Variants in ATP10B observed in about 807,000 individuals in gnomAD.
The protein encoded by ATP10B is phospholipid-transporting ATPase VB.
A neutral mutation model predicts 141.2 loss-of-function variants in ATP10B; 122 were observed. That is an observed-to-expected ratio of 0.86 (90% CI 0.75 to 1.00). The LOEUF (loss-of-function observed/expected upper bound fraction) is 1.00, where lower values mean the gene tolerates loss of function less well. Among genes scored for constraint, ATP10B ranks in the 50% least tolerant of loss-of-function variants. The pLI is 0.00. For synonymous variants in ATP10B, 685 were observed against 692.0 expected, an observed-to-expected ratio of 0.99 and a Z score of 0.16; for missense variants, 1,876 against 1,825.3, an observed-to-expected ratio of 1.03 and a Z score of -0.51.
intron 2 of ATP10B, among the ~76,000 whole-genome samples, chr5:160,736,953 G>A (rs1767164513): frequency 1.3e-5 from 2 of 152,090 alleles, no homozygotes; most frequent in Admixed American, 6.6e-5. Context: ...AAGACATATC[G>A]AAAGAAGAAA....
the ATP10B span, among the ~76,000 whole-genome samples, chr5:160,903,262 A>G: frequency 6.6e-6 from 1 of 152,166 alleles, no homozygotes; most frequent in East Asian, 1.9e-4. Flanking sequence ...CTAAGTTGCC[A>G]AGATGGGCTT....
At chr5:160,577,278 T>C (rs1371296895) in intron 24 of ATP10B, among the ~76,000 whole-genome samples, 3 of 152,238 alleles carry the variant, frequency 2.0e-5, no homozygotes, top group African/African-American at 7.2e-5. Flanking sequence ...GGCTTTGTCC[T>C]TAAACTCATT....
At chr5:160,648,246 G>A (rs190920014) in intron 8 of ATP10B, among the ~76,000 whole-genome samples, 2 of 152,270 alleles carry the variant, frequency 1.3e-5, no homozygotes, top group African/African-American at 4.8e-5. Flanking sequence ...CCAACCCATG[G>A]CCCACATGTG....
chr5:160,793,297 GTGTC>G (rs1011824827), intron 1 of ATP10B, among the ~76,000 whole-genome samples: 4 of 151,300 alleles, frequency 2.6e-5, no homozygotes, highest in East Asian at 1.9e-4. Context: ...AAAATGCCTT[GTGTC>G]TGTATGTATT....
chr5:160,613,355 G>T (rs1431975407), intron 17 of ATP10B, among the ~76,000 whole-genome samples: 3 of 152,198 alleles, frequency 2.0e-5, no homozygotes, highest in Non-Finnish European at 4.4e-5. Context: ...GCAGAGCAAG[G>T]TGAGAGATGA....
At chr5:160,839,962 T>C (rs1775712710) in intron 1 of ATP10B, among the ~76,000 whole-genome samples, 1 of 151,938 alleles carries the variant, frequency 6.6e-6, no homozygotes, top group African/African-American at 2.4e-5. Flanking sequence ...ACACAGATAA[T>C]AGGTAAAATA....
chr5:160,877,531 C>T, the ATP10B span, among the ~76,000 whole-genome samples: 9 of 149,608 alleles, frequency 6.0e-5, no homozygotes, highest in Non-Finnish European at 1.2e-4. Context: ...GAAGTTCTGG[C>T]CAGGGCAATC....
intron 2 of ATP10B, among the ~76,000 whole-genome samples, chr5:160,783,957 C>T (rs530938664): frequency 5.9e-5 from 9 of 152,166 alleles, no homozygotes; most frequent in African/African-American, 2.2e-4. Flanking sequence ...TATGCATATA[C>T]ACATCCTGTG....
At chr5:160,692,194 GCTT>G (rs1764113106) in intron 3 of ATP10B, among the ~76,000 whole-genome samples, 1 of 152,142 alleles carries the variant, frequency 6.6e-6, no homozygotes, top group Non-Finnish European at 1.5e-5. Flanking sequence ...TGTAAGATGA[GCTT>G]CCTTAAAAGT....
chr5:160,917,706 G>A, the ATP10B span, among the ~76,000 whole-genome samples: 1 of 152,188 alleles, frequency 6.6e-6, no homozygotes, highest in African/African-American at 2.4e-5. Flanking sequence ...AGATTCAGGT[G>A]AGACATATTC....
At chr5:160,768,812 G>A (rs1339778889) in intron 2 of ATP10B, among the ~76,000 whole-genome samples, 15 of 152,182 alleles carry the variant, frequency 9.9e-5, no homozygotes, top group Admixed American at 9.8e-4. Flanking sequence ...GGCACAGTTG[G>A]CCTACTGTTT....
At chr5:160,672,078 G>A (rs1762745229) in intron 6 of ATP10B, among the ~76,000 whole-genome samples, 1 of 142,246 alleles carries the variant, frequency 7.0e-6, no homozygotes, top group African/African-American at 2.6e-5. Flanking sequence ...CCAGGGTCAA[G>A]TGATCCTCCT....
intron 24 of ATP10B, among the ~76,000 whole-genome samples, chr5:160,582,566 C>T (rs745647133): frequency 7.9e-5 from 12 of 152,042 alleles, no homozygotes; most frequent in Non-Finnish European, 1.8e-4. Context: ...CTCTGGTTGC[C>T]CTTAGTATTT....
At chr5:160,714,131 C>G (rs1765455157) in intron 3 of ATP10B, among the ~76,000 whole-genome samples, 1 of 44,742 alleles carries the variant, frequency 2.2e-5, no homozygotes, top group African/African-American at 1.0e-4. Context: ...TTGTTGCGTT[C>G]TCTGTATTTC....
intron 2 of ATP10B, among the ~76,000 whole-genome samples, chr5:160,756,542 T>A (rs1351275803): frequency 6.6e-6 from 1 of 152,182 alleles, no homozygotes; most frequent in Non-Finnish European, 1.5e-5. Flanking sequence ...CTTGGTATAG[T>A]GTTTTTAATT....
At chr5:160,835,873 AGTTT>A (rs1242549778) in intron 1 of ATP10B, among the ~76,000 whole-genome samples, 2 of 152,072 alleles carry the variant, frequency 1.3e-5, no homozygotes, top group Non-Finnish European at 2.9e-5. Flanking sequence ...CTGGCTTCCT[AGTTT>A]GTTTATTTAA....
chr5:160,756,197 T>C (rs1768591042), intron 2 of ATP10B, among the ~76,000 whole-genome samples: 1 of 151,882 alleles, frequency 6.6e-6, no homozygotes, highest in South Asian at 2.1e-4. Flanking sequence ...TGAATCTTAA[T>C]TATTTTGAGT....
the ATP10B span, among the ~76,000 whole-genome samples, chr5:160,890,554 T>G: frequency 8.7e-6 from 1 of 115,224 alleles, no homozygotes; most frequent in African/African-American, 2.8e-5. Context: ...GCTCTTTGTG[T>G]CTGGCTTTCA....
intron 2 of ATP10B, among the ~76,000 whole-genome samples, chr5:160,723,124 T>C (rs1194644408): frequency 6.6e-6 from 1 of 152,240 alleles, no homozygotes; most frequent in Admixed American, 6.5e-5. Flanking sequence ...TATGTGTGTG[T>C]GAGATGAACA....
Sources: allele counts gnomAD v4.1 joint callset (sites outside exome capture counted in the v4.1 genomes callset), GRCh38; gene constraint gnomAD v4.1.1; transcripts MANE v1.5; gene names NCBI Gene and HGNC (gene_info 2026-07-23, HGNC 2026-07-21).